STAG2: variants seen among roughly 807,000 people sequenced by gnomAD.
STAG2 encodes the protein cohesin subunit SA-2.
STAG2 carries 14 observed loss-of-function variants against 108.1 expected under a neutral mutation model. That is an observed-to-expected ratio of 0.13 (90% CI 0.09 to 0.20). The LOEUF (loss-of-function observed/expected upper bound fraction) is 0.20. Among genes scored for constraint, STAG2 ranks in the 10% least tolerant of loss-of-function variants. STAG2 has a pLI of 1.00. For synonymous variants in STAG2, 307 were observed against 302.7 expected, an observed-to-expected ratio of 1.01 and a Z score of -0.15; for missense variants, 440 against 940.9, an observed-to-expected ratio of 0.47 and a Z score of 6.96.
chrX:124,038,856 C>T (rs910949636), intron 6 of STAG2, among the ~76,000 whole-genome samples: 2 of 111,652 alleles, frequency 1.8e-5, no homozygotes, highest in African/African-American at 6.5e-5. Context: ...CTGACTTCTG[C>T]TCAGAGGAGA....
chrX:124,065,873 T>C lies in STAG2; in HGVS notation c.2026-3T>C, dbSNP rs1220100060. ...GTTCTTAATGTATAATTAATATTTA[T>C]AGGGTGAAGAACCTGATGAAGATGA... On this transcript the variant is annotated splice_polypyrimidine_tract_variant and splice_region_variant and intron_variant, in intron 20 of 34. Transcript: ENST00000371145. 8.7e-7 allele frequency: 1 copy of C among 1,144,161 alleles called. No homozygotes were observed. Among genetic ancestry groups the C allele is most frequent in the Non-Finnish European group, 1.2e-6 (1 of 854,503 alleles). 94.3% of individuals were successfully genotyped at this position (1,144,161 alleles called of 1,213,427 possible).
rs748573925 is a variant in STAG2 at position 124,066,109 on chromosome X, A to G, written c.2097-66A>G. 7.5e-5 allele frequency: 76 copies of G among 1,011,635 alleles called. No individual in the cohort carries two copies. The African/African-American group carries it at 1.2e-3, about 16-fold the overall frequency. The allele number at this position is 1,011,635 out of a possible 1,213,427, so 83.4% of individuals were successfully genotyped here. On this transcript the variant is annotated intron_variant, in intron 21 of 34. Transcript: ENST00000371145. ...TCTGTTAACAGTCAAGTCCAAAACA[A>G]TTGTCATTAGGCTTAGCTTTTTAAT...
rs752882861 is a variant in STAG2 at position 124,061,721 on chromosome X, G to C, written c.1535-50G>C. The C allele has an allele frequency of 8.9e-6, 8 of 897,047 alleles. No homozygotes were observed. The South Asian group carries it at 1.9e-4, about 21-fold the overall frequency. The allele number at this position is 897,047 out of a possible 1,213,427, so 73.9% of individuals were successfully genotyped here. A position where few individuals can be genotyped will look rare whatever the true frequency, so the allele number is the denominator to read the frequency against. On this transcript the variant is annotated intron_variant, in intron 16 of 34. Coordinates refer to ENST00000371145, the MANE Select transcript of STAG2 (RefSeq NM_001042750.2). ...AATTACAAGTGGCATATAGGGAGAA[G>C]AAATAAGCTAACTCTTTCTGACTTT... is the stretch of plus-strand genomic sequence containing the variant.
At chrX:123,983,656 A>G (rs1394947404) in intron 1 of STAG2, among the ~76,000 whole-genome samples, 1 of 111,568 alleles carries the variant, frequency 9.0e-6, no homozygotes. Context: ...AAATAATTAT[A>G]TAATTGTATT....
intron 34 of STAG2, chrX:124,097,714 C>T (rs1330161813): frequency 3.0e-6 from 1 of 338,427 alleles, no homozygotes; most frequent in Non-Finnish European, 5.8e-6. Flanking sequence ...CACTTTCATA[C>T]CATAGCAAGC....
At chrX:124,070,065 G>A (rs575720472) in intron 24 of STAG2, among the ~76,000 whole-genome samples, 3 of 111,350 alleles carry the variant, frequency 2.7e-5, no homozygotes, top group African/African-American at 9.8e-5. Context: ...TCAGGCCATA[G>A]AGATTAATTA....
At chrX:123,983,974 CTTT>C (rs199881082) in intron 1 of STAG2, among the ~76,000 whole-genome samples, 18 of 61,456 alleles carry the variant, frequency 2.9e-4, no homozygotes, top group South Asian at 1.6e-3. Context: ...CTTTTCTTTT[CTTT>C]TTTTTTTTTT....
At chrX:123,968,816 A>G (rs1011796493) in intron 1 of STAG2, among the ~76,000 whole-genome samples, 1 of 112,186 alleles carries the variant, frequency 8.9e-6, no homozygotes, top group Non-Finnish European at 1.9e-5. Flanking sequence ...TAATGCTTTA[A>G]TCTTCTGTTT....
chrX:124,023,219 C>CA (rs1183552297), intron 3 of STAG2, among the ~76,000 whole-genome samples: 1 of 111,994 alleles, frequency 8.9e-6, no homozygotes, highest in Non-Finnish European at 1.9e-5. Flanking sequence ...CTCTATGTAA[C>CA]AGTGATTTTC....
chrX:124,044,238 A>G (rs2057807710), intron 7 of STAG2, among the ~76,000 whole-genome samples: 1 of 111,158 alleles, frequency 9.0e-6, no homozygotes, highest in Non-Finnish European at 1.9e-5. Context: ...CTGAAATATG[A>G]TTTGAAAATG....
chrX:124,099,533 GT>G (rs765676334), intron 34 of STAG2, among the ~76,000 whole-genome samples: 1 of 111,176 alleles, frequency 9.0e-6, no homozygotes, highest in East Asian at 2.8e-4. Flanking sequence ...AGTCCTCTTT[GT>G]TTTCATTACT....
At chrX:123,997,314 CA>C (rs1481329857) in intron 1 of STAG2, among the ~76,000 whole-genome samples, 3 of 112,395 alleles carry the variant, frequency 2.7e-5, no homozygotes, top group Non-Finnish European at 5.6e-5. Flanking sequence ...ATATATATAA[CA>C]AAATTTTCTA....
intron 1 of STAG2, among the ~76,000 whole-genome samples, chrX:124,008,836 T>G (rs898764745): frequency 3.6e-5 from 4 of 111,953 alleles, no homozygotes; most frequent in Non-Finnish European, 7.5e-5. Flanking sequence ...TTGTTCTCAG[T>G]GTTGCTACGT....
intron 24 of STAG2, 96 bp downstream of exon 24, chrX:124,068,752 G>T (rs2058598277): frequency 3.7e-6 from 2 of 545,792 alleles, no homozygotes; most frequent in Admixed American, 4.2e-5. Context: ...ATTGAGCAAA[G>T]CAGAAATATC....
In STAG2 at chrX:124,071,150, C is replaced by G. The variant is rs2148372669; in HGVS notation, c.2360C>G (p.Ala787Gly). The G allele has an allele frequency of 4.5e-6, 5 of 1,115,634 alleles. No individual in the cohort carries two copies. The highest frequency in any genetic ancestry group is 5.9e-6 in the Non-Finnish European group (5 of 852,546). 91.9% of individuals were successfully genotyped at this position (1,115,634 alleles called of 1,213,427 possible). A position where few individuals can be genotyped will look rare whatever the true frequency, so the allele number is the denominator to read the frequency against. ...CCTCTTTTTTTTTTTTTTAAATAGG[C>G]CTTCACTATTCTGTGTGATATTTTG... is the stretch of plus-strand genomic sequence containing the variant. The part of the protein sequence containing the change: ...TNVNTTVKEQ[A>G]FTILCDILMI... Residue 787 changes from alanine (A) to glycine (G), a missense_variant and splice_region_variant, in exon 25 of 35, where the codon GCC (alanine) becomes GGC (glycine). Transcript: ENST00000371145.
chrX:124,076,241 CTT>C lies in STAG2; in HGVS notation c.2534-90_2534-89del, dbSNP rs996990922. 6 of 873,075 alleles carry C rather than the reference CTT, an allele frequency of 6.9e-6. No homozygotes were observed. The African/African-American group carries it at 1.2e-4, about 18-fold the overall frequency. 72.0% of individuals were successfully genotyped at this position (873,075 alleles called of 1,213,427 possible). ...TAATGTTTTTCCCTTTTCAAATTCT[CTT>C]ATAAAAGCATGTTTCATAGTGAGAA... On this transcript the variant is annotated intron_variant, in intron 25 of 34. Transcript: ENST00000371145.
At chrX:124,058,614 A>G (rs998315819) in intron 15 of STAG2, among the ~76,000 whole-genome samples, 1 of 112,469 alleles carries the variant, frequency 8.9e-6, no homozygotes. Flanking sequence ...GTTTCCTAGT[A>G]AAAAGATGGG....
intron 1 of STAG2, among the ~76,000 whole-genome samples, chrX:124,007,025 T>A (rs1374587208): frequency 9.1e-6 from 1 of 110,021 alleles, no homozygotes; most frequent in Non-Finnish European, 1.9e-5. Context: ...AATAGAGACA[T>A]AGTCTTGCTC....
intron 1 of STAG2, among the ~76,000 whole-genome samples, chrX:123,987,007 T>A (rs1416548619): frequency 9.1e-6 from 1 of 109,872 alleles, no homozygotes; most frequent in Non-Finnish European, 1.9e-5. Flanking sequence ...TTTTTAATTT[T>A]TTTTAGACGG....
Sources: gnomAD v4.1 joint callset for allele counts (sites outside exome capture counted in the v4.1 genomes callset) on GRCh38, gnomAD v4.1.1 for gene constraint, MANE v1.5 for transcripts, NCBI Gene and HGNC (gene_info 2026-07-23, HGNC 2026-07-21) for gene names.